The following FTO variants were observed in gnomAD, a reference collection of about 807,000 sequenced individuals.
FTO encodes the protein FTO alpha-ketoglutarate dependent dioxygenase.
Under a neutral mutation model 63.9 loss-of-function variants are expected in FTO, and 47 were observed. That is an observed-to-expected ratio of 0.74 (90% CI 0.58 to 0.94). The LOEUF is 0.94. FTO is among the 40% of genes least tolerant of loss of function. The pLI, the probability that FTO is intolerant of heterozygous loss-of-function variation, is 0.00. For missense variants in FTO, 562 were observed against 618.1 expected (o/e 0.91, Z 0.96); for synonymous variants, 207 against 224.4 (o/e 0.92, Z 0.69).
chr16:53,843,459 A>G (rs2079530967), intron 3 of FTO, among the ~76,000 whole-genome samples: 1 of 152,156 alleles, frequency 6.6e-6, no homozygotes. Context: ...ATAAATTGGA[A>G]CATATTTTTA....
intron 8 of FTO, among the ~76,000 whole-genome samples, chr16:54,005,325 A>G (rs1265062668): frequency 6.8e-6 from 1 of 147,130 alleles, no homozygotes; most frequent in Non-Finnish European, 1.5e-5. Context: ...AGGCCAGCAG[A>G]TTTTATTTTA....
At chr16:53,969,457 G>C (rs1241674915) in intron 8 of FTO, among the ~76,000 whole-genome samples, 2 of 152,012 alleles carry the variant, frequency 1.3e-5, no homozygotes, top group Admixed American at 6.6e-5. Context: ...TTATTTTTTG[G>C]GGGGGGCTTG....
chr16:54,073,822 T>A (rs2085925746), intron 8 of FTO, among the ~76,000 whole-genome samples: 1 of 152,138 alleles, frequency 6.6e-6, no homozygotes, highest in Non-Finnish European at 1.5e-5. Flanking sequence ...ATTTAAAGAA[T>A]AAAAATTTAT....
At chr16:53,992,452 T>C (rs1259513436) in intron 8 of FTO, 1 of 152,194 alleles carries the variant, frequency 6.6e-6, no homozygotes, top group Non-Finnish European at 1.5e-5. Flanking sequence ...GGTTCCTTTC[T>C]GCTGGACATC....
intron 3 of FTO, among the ~76,000 whole-genome samples, chr16:53,843,076 A>G (rs759690499): frequency 2.6e-5 from 4 of 152,226 alleles, no homozygotes; most frequent in Admixed American, 6.5e-5. Flanking sequence ...TTTGGTGACT[A>G]CATAGTATTT....
chr16:53,772,811 T>C (rs558319758), intron 1 of FTO, among the ~76,000 whole-genome samples: 2 of 152,270 alleles, frequency 1.3e-5, no homozygotes, highest in East Asian at 3.9e-4. Flanking sequence ...TCAGGTTACA[T>C]GGTCTTTTAT....
chr16:54,022,615 G>T (rs1302557667), intron 8 of FTO, among the ~76,000 whole-genome samples: 1 of 152,166 alleles, frequency 6.6e-6, no homozygotes, highest in Non-Finnish European at 1.5e-5. Flanking sequence ...GTCAATAGCA[G>T]TGCTTTTTAG....
At chr16:53,770,624 G>A (rs893281426) in intron 1 of FTO, among the ~76,000 whole-genome samples, 2 of 152,098 alleles carry the variant, frequency 1.3e-5, no homozygotes, top group African/African-American at 4.8e-5. Flanking sequence ...TTCAAGCTCA[G>A]AAAATTTCCC....
intron 7 of FTO, chr16:53,911,561 T>C (rs1161007416): frequency 2.9e-6 from 2 of 691,076 alleles, no homozygotes. Context: ...TGAGGAGACA[T>C]TTCTCAGAAA....
intron 7 of FTO, among the ~76,000 whole-genome samples, chr16:53,902,905 A>G (rs764986073): frequency 6.6e-6 from 1 of 152,184 alleles, no homozygotes; most frequent in Non-Finnish European, 1.5e-5. Flanking sequence ...CTTCAGACTA[A>G]GAGTTCAAGA....
At chr16:53,849,810 G>A (rs145859185) in intron 4 of FTO, among the ~76,000 whole-genome samples, 12 of 152,336 alleles carry the variant, frequency 7.9e-5, no homozygotes, top group African/African-American at 1.7e-4. Context: ...GTCTCCAGGA[G>A]TTTAGACTCT....
At position 53,909,532 on chromosome 16, in the gene FTO, CTTTTT is replaced by C. The variant is rs58121446; in HGVS notation, c.1239+20607_1239+20611del. ...GAAAAAGAGGGACAGAGAGCCCCGCCTTTTTTTTTTTTTTTTTTTTTTTTTTTTTT... is the reference window on the plus strand; with the variant it reads ...GAAAAAGAGGGACAGAGAGCCCCGCCTTTTTTTTTTTTTTTTTTTTTTTTT... On this transcript the variant is annotated intron_variant, in intron 7 of 8. Coordinates refer to ENST00000471389, the MANE Select transcript of FTO (RefSeq NM_001080432.3). Among the ~76,000 whole-genome samples, 690 of 71,130 alleles carry C rather than the reference CTTTTT, an allele frequency of 9.7e-3. 5 individuals are homozygous for C. The highest frequency in any genetic ancestry group is 0.041 in the Middle Eastern group (4 of 98). 46.7% of individuals were successfully genotyped at this position (71,130 alleles called of 152,430 possible).
chr16:53,719,253 CTTTTTTTT>C (rs10527186), intron 1 of FTO, among the ~76,000 whole-genome samples: 21 of 135,644 alleles, frequency 1.5e-4, no homozygotes, highest in Admixed American at 1.2e-3. Flanking sequence ...TCTTCTTCTT[CTTTTTTTT>C]TTTTTTTTTT....
intron 3 of FTO, among the ~76,000 whole-genome samples, chr16:53,839,430 A>G (rs984002792): frequency 1.3e-5 from 2 of 152,188 alleles, no homozygotes; most frequent in Non-Finnish European, 2.9e-5. Flanking sequence ...TTAACAATAA[A>G]AAGTTTATCA....
chr16:53,924,310 T>C (rs1376243586), intron 7 of FTO, among the ~76,000 whole-genome samples: 1 of 152,212 alleles, frequency 6.6e-6, no homozygotes, highest in East Asian at 1.9e-4. Flanking sequence ...TTCCCTGAAT[T>C]CTTTCCTCAT....
At chr16:53,756,723 G>A (rs1212218525) in intron 1 of FTO, among the ~76,000 whole-genome samples, 1 of 152,200 alleles carries the variant, frequency 6.6e-6, no homozygotes, top group African/African-American at 2.4e-5. Flanking sequence ...GAGGTTTTCT[G>A]TGCAGTGTTT....
At chr16:53,890,861 C>T (rs2081126513) in intron 7 of FTO, among the ~76,000 whole-genome samples, 1 of 152,116 alleles carries the variant, frequency 6.6e-6, no homozygotes, top group Non-Finnish European at 1.5e-5. Context: ...CTGATTTTGT[C>T]CATTTACATA....
intron 8 of FTO, among the ~76,000 whole-genome samples, chr16:53,961,930 TGA>T (rs1212834021): frequency 4.5e-4 from 68 of 152,264 alleles, no homozygotes; most frequent in African/African-American, 1.5e-3. Flanking sequence ...TGGGAGTCCT[TGA>T]ACACCTCAGG....
At chr16:53,783,604 T>TATCAAAAAAAAAAAA (rs397716766) in intron 1 of FTO, among the ~76,000 whole-genome samples, 2 of 68,146 alleles carry the variant, frequency 2.9e-5, no homozygotes, top group African/African-American at 5.9e-5. Context: ...CAAGACTCCA[T>TATCAAAAAAAAAAAA]AAAAAAAAAA....
Sources: allele counts gnomAD v4.1 joint callset (sites outside exome capture counted in the v4.1 genomes callset), GRCh38; gene constraint gnomAD v4.1.1; transcripts MANE v1.5; gene names NCBI Gene and HGNC (gene_info 2026-07-23, HGNC 2026-07-21).